Variants in CENPO observed in about 807,000 individuals in gnomAD.
The protein encoded by CENPO is centromeric protein O.
Under a neutral mutation model 36.1 loss-of-function variants are expected in CENPO, and 30 were observed. The ratio of observed to expected loss-of-function variants is 0.83; its 90% CI spans 0.62 to 1.13. The LOEUF (loss-of-function observed/expected upper bound fraction) is 1.13. CENPO is among the 50% of genes most tolerant of loss of function. CENPO has a pLI of 0.00. For missense variants in CENPO, 349 were observed against 357.8 expected, an observed-to-expected ratio of 0.98 and a Z score of 0.20; for synonymous variants, 171 against 142.3, an observed-to-expected ratio of 1.20 and a Z score of -1.44.
At chr2:24,809,416 A>T (rs922446229) in intron 3 of CENPO, among the ~76,000 whole-genome samples, 2 of 152,142 alleles carry the variant, frequency 1.3e-5, no homozygotes, top group African/African-American at 4.8e-5. Context: ...TGAGATGAAT[A>T]CTTTATTGAT....
chr2:24,807,535 G>A (rs1666475836), intron 3 of CENPO, among the ~76,000 whole-genome samples: 1 of 152,066 alleles, frequency 6.6e-6, no homozygotes, highest in African/African-American at 2.4e-5. Context: ...CCATTCTACT[G>A]TGATGACATT....
rs70947848 is a variant in CENPO at position 24,811,282 on chromosome 2, C to CTTTTTTTTTTTTT, written c.217-3089_217-3077dup. Among the ~76,000 whole-genome samples the CTTTTTTTTTTTTT allele has an allele frequency of 2.3e-4, 24 of 105,546 alleles. 2 individuals are homozygous for CTTTTTTTTTTTTT. The highest frequency in any genetic ancestry group is 8.0e-4 in the African/African-American group (21 of 26,376). The allele number at this position is 105,546 out of a possible 152,430, so 69.2% of individuals were successfully genotyped here. On this transcript the variant is annotated intron_variant, in intron 3 of 7. Transcript: ENST00000380834. ...TTAATTGGAGTATTTAGTCCATGAA[C>CTTTTTTTTTTTTT]TTTTTTTTTTTTTTTTTGAGACGGA...
At chr2:24,811,815 C>T (rs2148282132) in intron 3 of CENPO, among the ~76,000 whole-genome samples, 1 of 152,278 alleles carries the variant, frequency 6.6e-6, no homozygotes, top group Admixed American at 6.5e-5. Flanking sequence ...CCAGTCTGGT[C>T]TTGAACTCCT....
chr2:24,805,342 G>A (rs961147762), intron 3 of CENPO, among the ~76,000 whole-genome samples: 55 of 152,182 alleles, frequency 3.6e-4, no homozygotes, highest in Admixed American at 2.2e-3. Context: ...GTCATTCTCC[G>A]TCCAGCTTTG....
Position 24,820,661 on chromosome 2 carries a change from C to T in CENPO, c.*1343C>T, listed in dbSNP as rs1219838704. The T allele has an allele frequency of 6.2e-7, 1 of 1,603,384 alleles. No individual in the cohort carries two copies. Among genetic ancestry groups the T allele is most frequent in the Non-Finnish European group, 8.5e-7 (1 of 1,173,428 alleles). On this transcript the variant is annotated 3_prime_UTR_variant, in exon 8 of 8. Transcript: ENST00000380834. The stretch of plus-strand genomic sequence containing the variant: ...TGGGAGGCAGGGGCACGTGGGAAAG[C>T]ACTGTTCCGGTTTTGTTCTCATGCC...
intron 3 of CENPO, among the ~76,000 whole-genome samples, chr2:24,808,446 C>T (rs1666525843): frequency 1.3e-5 from 2 of 152,164 alleles, no homozygotes; most frequent in Non-Finnish European, 1.5e-5. Flanking sequence ...AGGTTATCCA[C>T]CCGCCTCAGC....
Position 24,793,432 on chromosome 2 carries a change from C to CA in CENPO, c.-135dup, listed in dbSNP as rs773979314. ...GCCATGCTTTTGTACGGCAGGATCGCAAAGCACGCCGGGACCGGTTGGTTT... is the reference window on the plus strand; with the variant it reads ...GCCATGCTTTTGTACGGCAGGATCGCAAAAGCACGCCGGGACCGGTTGGTTT... On this transcript the variant is annotated 5_prime_UTR_variant, in exon 1 of 8. Transcript: ENST00000380834. 329 of 1,605,578 alleles carry CA rather than the reference C, an allele frequency of 2.0e-4. No homozygotes were observed. In the Middle Eastern group the frequency reaches 2.2e-3, roughly 11 times the overall value.
chr2:24,803,247 C>T (rs1666236016), intron 3 of CENPO, among the ~76,000 whole-genome samples: 1 of 151,372 alleles, frequency 6.6e-6, no homozygotes, highest in Non-Finnish European at 1.5e-5. Context: ...TGCTAGCGGT[C>T]TATCAATTTT....
chr2:24,804,564 T>C (rs1666298418), intron 3 of CENPO, among the ~76,000 whole-genome samples: 1 of 152,152 alleles, frequency 6.6e-6, no homozygotes, highest in African/African-American at 2.4e-5. Flanking sequence ...TGTAAAGGAT[T>C]TTATTTCTCC....
At chr2:24,799,287 C>T (rs1188194240) in intron 2 of CENPO, among the ~76,000 whole-genome samples, 5 of 152,140 alleles carry the variant, frequency 3.3e-5, no homozygotes, top group African/African-American at 4.8e-5. Flanking sequence ...TGTGAGCCAC[C>T]GCCCTCGGCT....
rs1283447301 is a variant in CENPO at position 24,820,046 on chromosome 2, A to G, written c.*728A>G. On this transcript the variant is annotated 3_prime_UTR_variant, in exon 8 of 8. Transcript: ENST00000380834. ...TCAGCAGCTCCCCCTTCCCCTTCACAAAGATGGGGCCTCGCCTCACAAAGC... is the reference window on the plus strand; with the variant it reads ...TCAGCAGCTCCCCCTTCCCCTTCACGAAGATGGGGCCTCGCCTCACAAAGC... 6.2e-7 allele frequency: 1 copy of G among 1,606,266 alleles called. No individual in the cohort carries two copies. Among genetic ancestry groups the G allele is most frequent in the Non-Finnish European group, 8.5e-7 (1 of 1,176,464 alleles).
chr2:24,806,654 A>G (rs1288449995), intron 3 of CENPO, among the ~76,000 whole-genome samples: 1 of 152,218 alleles, frequency 6.6e-6, no homozygotes, highest in Non-Finnish European at 1.5e-5. Context: ...CCAGTTTTTG[A>G]AAGTGATTGT....
rs747271055 is a variant in CENPO at position 24,815,653 on chromosome 2, T to C, written c.491T>C (p.Ile164Thr). 11 of 1,614,146 alleles carry C rather than the reference T, an allele frequency of 6.8e-6. No homozygotes were observed. Among genetic ancestry groups the C allele is most frequent in the Non-Finnish European group, 7.6e-6 (9 of 1,179,984 alleles). ...SVPVFIPLEE[I>T]AAKYLQTNIQ... ...CCAGTCTTCATTCCCCTGGAAGAGA[T>C]AGCTGCAAAATATTTACAGACCAAC... Residue 164 changes from isoleucine to threonine, a missense_variant, in exon 5 of 8, where the codon ATA (isoleucine) becomes ACA (threonine). Physicochemically the swap from Ile to Thr is moderately conservative, Grantham distance 89. Transcript: ENST00000380834.
chr2:24,797,258 T>G (rs1184298074), intron 2 of CENPO, among the ~76,000 whole-genome samples: 1 of 152,190 alleles, frequency 6.6e-6, no homozygotes, highest in Non-Finnish European at 1.5e-5. Flanking sequence ...TTTACACAGC[T>G]ATAGATGGAT....
intron 3 of CENPO, among the ~76,000 whole-genome samples, chr2:24,812,902 GTTTT>G (rs35639594): frequency 9.5e-6 from 1 of 105,700 alleles, no homozygotes; most frequent in African/African-American, 3.6e-5. Context: ...TATGCCTGTA[GTTTT>G]TTTTTTTTTT....
At chr2:24,806,388 C>T (rs571866692) in intron 3 of CENPO, among the ~76,000 whole-genome samples, 28 of 152,198 alleles carry the variant, frequency 1.8e-4, no homozygotes, top group Non-Finnish European at 3.8e-4. Flanking sequence ...GTTGGAAATG[C>T]GGAAATCACC....
chr2:24,805,291 T>G (rs1022291516), intron 3 of CENPO, among the ~76,000 whole-genome samples: 1 of 151,464 alleles, frequency 6.6e-6, no homozygotes, highest in Non-Finnish European at 1.5e-5. Flanking sequence ...TAGCTCGGAG[T>G]AGTTTGATCG....
chr2:24,809,889 T>C lies in CENPO; in HGVS notation c.217-4487T>C, dbSNP rs902901917. Among the ~76,000 whole-genome samples, 4 of 152,106 alleles carry C rather than the reference T, an allele frequency of 2.6e-5. No homozygotes were observed. In the East Asian group the frequency reaches 7.7e-4, roughly 29 times the overall value. ...GTGTGTTCATCATGTTGTTTAAATA[T>C]CTTACATCCTTAGCTGAGTGTGGTG... On this transcript the variant is annotated intron_variant, in intron 3 of 7. Coordinates refer to ENST00000380834, the MANE Select transcript of CENPO (RefSeq NM_001322101.2).
rs1194586242 is a variant in CENPO, at chr2:24,820,737, A to G, written c.*1419A>G. 29 of 1,613,954 alleles carry G rather than the reference A, an allele frequency of 1.8e-5. No individual in the cohort carries two copies. Among genetic ancestry groups the G allele is most frequent in the Admixed American group, 1.3e-4 (8 of 59,998 alleles). On this transcript the variant is annotated 3_prime_UTR_variant, in exon 8 of 8. Transcript: ENST00000380834. ...CACTGGACATACCTGAATGTTGCCC[A>G]TGACCCCCGTGGACTCCATCCTGCT...
Sources: allele counts gnomAD v4.1 joint callset (sites outside exome capture counted in the v4.1 genomes callset), GRCh38; gene constraint gnomAD v4.1.1; transcripts MANE v1.5; gene names NCBI Gene and HGNC (gene_info 2026-07-23, HGNC 2026-07-21).